Variants in RMST observed in about 807,000 individuals in gnomAD.
RMST encodes the protein rhabdomyosarcoma 2 associated transcript, also known as long intergenic non-protein coding RNA 54.
At chr12:97,512,885 G>A (rs978766604) in intron 10 of RMST, among the ~76,000 whole-genome samples, 2 of 152,088 alleles carry the variant, frequency 1.3e-5, no homozygotes, top group African/African-American at 2.4e-5. Context: ...ACGGAGGCGA[G>A]GGGGAGGCTC....
intron 5 of RMST, among the ~76,000 whole-genome samples, chr12:97,475,903 G>A (rs964279850): frequency 5.3e-5 from 8 of 152,198 alleles, no homozygotes. Flanking sequence ...ATACTACAGT[G>A]TTAAAGCTGT....
chr12:97,497,856 C>T (rs746301245), intron 10 of RMST, among the ~76,000 whole-genome samples: 2 of 151,924 alleles, frequency 1.3e-5, no homozygotes, highest in African/African-American at 4.8e-5. Flanking sequence ...TGTAGGGGTC[C>T]GCTATGCTAT....
chr12:97,528,011 G>A (rs891065280), intron 10 of RMST, among the ~76,000 whole-genome samples: 10 of 152,000 alleles, frequency 6.6e-5, no homozygotes, highest in Admixed American at 3.9e-4. Flanking sequence ...AAAATATGCC[G>A]AGTTTTATAT....
intron 11 of RMST, among the ~76,000 whole-genome samples, chr12:97,534,035 T>C (rs1489673254): frequency 6.6e-6 from 1 of 151,814 alleles, no homozygotes; most frequent in Non-Finnish European, 1.5e-5. Flanking sequence ...GAGAGTTGGA[T>C]AATACCTTGA....
intron 11 of RMST, among the ~76,000 whole-genome samples, chr12:97,555,199 A>G (rs1883614688): frequency 6.6e-6 from 1 of 152,176 alleles, no homozygotes; most frequent in African/African-American, 2.4e-5. Flanking sequence ...TTTCAAGTAA[A>G]AAGAAAAATA....
intron 10 of RMST, among the ~76,000 whole-genome samples, chr12:97,520,210 A>G (rs1465546432): frequency 1.3e-5 from 2 of 152,212 alleles, no homozygotes; most frequent in Admixed American, 1.3e-4. Context: ...GTCTTTGGCC[A>G]TCCTGGTCTC....
At chr12:97,556,741 C>T (rs920099825) in intron 11 of RMST, among the ~76,000 whole-genome samples, 1 of 152,086 alleles carries the variant, frequency 6.6e-6, no homozygotes, top group African/African-American at 2.4e-5. Context: ...GGCAAACAGC[C>T]ACCAGGAGGA....
At chr12:97,478,000 G>C (rs1874767156) in intron 5 of RMST, among the ~76,000 whole-genome samples, 1 of 152,182 alleles carries the variant, frequency 6.6e-6, no homozygotes, top group Admixed American at 6.5e-5. Flanking sequence ...ATCCTTCTAA[G>C]TGAATAGAGC....
chr12:97,482,547 A>C (rs1260039493), intron 5 of RMST, among the ~76,000 whole-genome samples: 1 of 151,314 alleles, frequency 6.6e-6, no homozygotes, highest in Non-Finnish European at 1.5e-5. Flanking sequence ...ATATCAAAGA[A>C]AAATGCAGGA....
intron 11 of RMST, among the ~76,000 whole-genome samples, chr12:97,535,887 C>G (rs1486695334): frequency 6.6e-6 from 1 of 151,596 alleles, no homozygotes; most frequent in Non-Finnish European, 1.5e-5. Flanking sequence ...GGGCTTATTT[C>G]ATAGACAGAA....
At chr12:97,515,542 C>T (rs959468824) in intron 10 of RMST, among the ~76,000 whole-genome samples, 2 of 152,036 alleles carry the variant, frequency 1.3e-5, no homozygotes, top group East Asian at 1.9e-4. Context: ...TCATCCCCAT[C>T]ACCTTAGCAT....
At chr12:97,524,498 A>G (rs140809169) in intron 10 of RMST, among the ~76,000 whole-genome samples, 4 of 152,316 alleles carry the variant, frequency 2.6e-5, no homozygotes, top group South Asian at 4.1e-4. Flanking sequence ...TAAAATTATG[A>G]TGCTGACAAT....
chr12:97,532,538 A>G (rs1240831444), intron 11 of RMST: 1 of 151,536 alleles, frequency 6.6e-6, no homozygotes, highest in Non-Finnish European at 1.5e-5. Context: ...CTAAACCACC[A>G]TAATATTTTG....
chr12:97,539,590 A>C (rs948301381), intron 11 of RMST, among the ~76,000 whole-genome samples: 3 of 151,650 alleles, frequency 2.0e-5, no homozygotes, highest in African/African-American at 7.2e-5. Context: ...ATGCCTGGGC[A>C]CTTTTTGCTA....
At chr12:97,467,134 T>G (rs1873284186) in intron 5 of RMST, among the ~76,000 whole-genome samples, 3 of 152,050 alleles carry the variant, frequency 2.0e-5, no homozygotes, top group South Asian at 2.1e-4. Context: ...AAAATTGGAC[T>G]AAGAAATAAA....
intron 11 of RMST, among the ~76,000 whole-genome samples, chr12:97,538,320 A>G (rs1382767289): frequency 6.6e-6 from 1 of 151,468 alleles, no homozygotes; most frequent in African/African-American, 2.4e-5. Context: ...AAGTGTTAAC[A>G]GCCTTTTTTG....
At chr12:97,557,303 T>G (rs1019331877) in intron 11 of RMST, among the ~76,000 whole-genome samples, 5 of 152,186 alleles carry the variant, frequency 3.3e-5, no homozygotes, top group Admixed American at 6.6e-5. Context: ...TGTCTGTTTC[T>G]TGAGTGGAGT....
chr12:97,504,586 A>T (rs570463509), intron 10 of RMST, among the ~76,000 whole-genome samples: 1 of 152,256 alleles, frequency 6.6e-6, no homozygotes, highest in South Asian at 2.1e-4. Flanking sequence ...TGTAAAGAGT[A>T]TGATATCATA....
chr12:97,532,322 T>A (rs1347597387), intron 11 of RMST, among the ~76,000 whole-genome samples: 1 of 151,992 alleles, frequency 6.6e-6, no homozygotes, highest in Non-Finnish European at 1.5e-5. Flanking sequence ...ATCAAATGAA[T>A]GAATCAATGA....
Sources: gnomAD v4.1 joint callset for allele counts (sites outside exome capture counted in the v4.1 genomes callset) on GRCh38, gnomAD v4.1.1 for gene constraint, MANE v1.5 for transcripts, NCBI Gene and HGNC (gene_info 2026-07-23, HGNC 2026-07-21) for gene names.